FIBCD1: variants seen among roughly 807,000 people sequenced by gnomAD.
FIBCD1 encodes the protein fibrinogen C domain containing 1, also known as fibrinogen C domain-containing protein 1.
A neutral mutation model predicts 45.1 loss-of-function variants in FIBCD1; 47 were observed. That is an observed-to-expected ratio of 1.04 (90% CI 0.82 to 1.33). The LOEUF (loss-of-function observed/expected upper bound fraction) is 1.33, where lower values mean the gene tolerates loss of function less well. Among genes scored for constraint, FIBCD1 ranks in the 40% most tolerant of loss-of-function variants. FIBCD1 has a pLI of 0.00. For synonymous variants in FIBCD1, 313 were observed against 308.1 expected (o/e 1.02, Z -0.17); for missense variants, 653 against 682.2 (o/e 0.96, Z 0.48).
intron 1 of FIBCD1, among the ~76,000 whole-genome samples, chr9:130,930,566 C>A (rs1344085672): frequency 1.3e-5 from 2 of 152,084 alleles, no homozygotes; most frequent in Non-Finnish European, 2.9e-5. Flanking sequence ...CCTCTCGCTG[C>A]CCCTGCCACC....
intron 4 of FIBCD1, among the ~76,000 whole-genome samples, chr9:130,918,577 G>A (rs1308369107): frequency 2.6e-5 from 4 of 152,216 alleles, no homozygotes; most frequent in South Asian, 2.1e-4. Context: ...CTGGGAGGGG[G>A]GCAGAGGGGT....
intron 5 of FIBCD1, among the ~76,000 whole-genome samples, chr9:130,911,194 G>A (rs1439220328): frequency 6.6e-6 from 1 of 152,196 alleles, no homozygotes; most frequent in African/African-American, 2.4e-5. Flanking sequence ...TCCTGAGCCA[G>A]CTAGACCACG....
At chr9:130,921,925 C>T (rs1171114470) in intron 4 of FIBCD1, among the ~76,000 whole-genome samples, 2 of 152,238 alleles carry the variant, frequency 1.3e-5, no homozygotes, top group African/African-American at 2.4e-5. Context: ...TTCTCATCTG[C>T]GCACGCTGAC....
At chr9:130,911,545 C>T (rs913553055) in intron 5 of FIBCD1, among the ~76,000 whole-genome samples, 1 of 152,368 alleles carries the variant, frequency 6.6e-6, no homozygotes, top group African/African-American at 2.4e-5. Flanking sequence ...CCTCCAAGGG[C>T]ATGTGGGACC....
chr9:130,906,844 TG>T (rs1276679491), intron 5 of FIBCD1, among the ~76,000 whole-genome samples: 1 of 152,242 alleles, frequency 6.6e-6, no homozygotes, highest in Non-Finnish European at 1.5e-5. Context: ...ACAGAATCCC[TG>T]GGCGGCTCTT....
intron 6 of FIBCD1, among the ~76,000 whole-genome samples, chr9:130,904,818 G>A (rs1041643566): frequency 6.6e-6 from 1 of 152,236 alleles, no homozygotes; most frequent in Non-Finnish European, 1.5e-5. Flanking sequence ...ACTTGGAGGA[G>A]GAGGCAAGCA....
Position 130,910,946 on chromosome 9 carries a change from G to A in FIBCD1, c.946+846C>T, listed in dbSNP as rs997827121. Among the ~76,000 whole-genome samples, 9 of 152,198 alleles carry A rather than the reference G, an allele frequency of 5.9e-5. No individual in the cohort carries two copies. The South Asian group carries it at 8.3e-4, about 14-fold the overall frequency. On this transcript the variant is annotated intron_variant, in intron 5 of 6. Transcript: ENST00000372338. ...TGATGGGGAGGTGGAGAACCTTTGT[G>A]TCTAGCTCAGGGATTGTAAACGCAC...
rs536457090 is a variant in FIBCD1, at chr9:130,925,911, TATG to T, written c.553-1518_553-1516del. Among the ~76,000 whole-genome samples, 388 of 152,314 alleles carry T rather than the reference TATG, an allele frequency of 2.5e-3. 1 individual carries two copies. The highest frequency in any genetic ancestry group is 9.0e-3 in the African/African-American group (375 of 41,574). ...TATACAGTGCCGGCAGTTTACAAAA[TATG>T]ATTCCCGGCTCGTCCAGAGGCAGGG... On this transcript the variant is annotated intron_variant, in intron 2 of 6. Transcript: ENST00000372338.
Position 130,929,980 on chromosome 9 carries a change from C to T in FIBCD1, c.139G>A (p.Val47Ile). Residue 47 changes from valine to isoleucine, a missense_variant, in exon 2 of 7, where the codon GTC becomes ATC. Val to Ile is a conservative substitution (Grantham distance 29, BLOSUM62 3). Transcript: ENST00000372338. The part of the protein sequence containing the change: ...LALAVLLAVA[V>I]TGAVLFLNHA... ...TTCAGGAAGAGCACGGCACCGGTGA[C>T]AGCTACAGCCAGCAGCACAGCCAGG... 2 of 1,544,290 alleles carry T rather than the reference C, an allele frequency of 1.3e-6. No homozygotes were observed. The highest frequency in any genetic ancestry group is 2.4e-5 in the East Asian group (1 of 41,494).
Position 130,924,209 on chromosome 9 carries a change from G to A in FIBCD1, c.712+28C>T, listed in dbSNP as rs367836678. On this transcript the variant is annotated intron_variant, in intron 3 of 6. Coordinates refer to ENST00000372338, the MANE Select transcript of FIBCD1 (RefSeq NM_032843.5). Reference sequence around the variant, plus strand: ...CCCCAGAGCTGGGACCCGAGGCACCGGAGGAAGGCAGGCCCTGCCCCACTC... The same window carrying A: ...CCCCAGAGCTGGGACCCGAGGCACCAGAGGAAGGCAGGCCCTGCCCCACTC... The A allele has an allele frequency of 1.3e-4, 206 of 1,539,080 alleles. 1 individual carries two copies. The highest frequency in any genetic ancestry group is 1.5e-4 in the Non-Finnish European group (175 of 1,144,356).
intron 5 of FIBCD1, among the ~76,000 whole-genome samples, chr9:130,908,082 A>G (rs1831966954): frequency 6.6e-6 from 1 of 152,192 alleles, no homozygotes; most frequent in Non-Finnish European, 1.5e-5. Context: ...AAATAATAAC[A>G]TGACCCCACA....
chr9:130,931,050 C>T (rs1196782109), intron 1 of FIBCD1, among the ~76,000 whole-genome samples: 1 of 152,134 alleles, frequency 6.6e-6, no homozygotes, highest in African/African-American at 2.4e-5. Flanking sequence ...ACCCCATCCT[C>T]TCTCCTTCCT....
chr9:130,939,855 C>T (rs1417450352), upstream of FIBCD1, among the ~76,000 whole-genome samples: 4 of 152,128 alleles, frequency 2.6e-5, no homozygotes, highest in East Asian at 7.7e-4. Context: ...GCGCGGCGAA[C>T]GAGCTGCTAT....
intron 5 of FIBCD1, among the ~76,000 whole-genome samples, chr9:130,911,183 C>T (rs1176216555): frequency 1.3e-5 from 2 of 152,220 alleles, no homozygotes; most frequent in African/African-American, 4.8e-5. Context: ...TGCAGTTTCA[C>T]TCCTGAGCCA....
intron 4 of FIBCD1, among the ~76,000 whole-genome samples, chr9:130,921,981 C>T (rs981095650): frequency 6.6e-6 from 1 of 152,254 alleles, no homozygotes; most frequent in African/African-American, 2.4e-5. Flanking sequence ...CGTCCCTCCA[C>T]CGGCCGCCTG....
intron 4 of FIBCD1, among the ~76,000 whole-genome samples, chr9:130,914,531 C>T (rs1293209806): frequency 2.0e-5 from 3 of 152,214 alleles, no homozygotes; most frequent in Non-Finnish European, 4.4e-5. Flanking sequence ...GGGAAGTAGG[C>T]CACAGTGCGG....
rs779262160 is a variant in FIBCD1 at position 130,924,407 on chromosome 9, C to T, written c.553-11G>A. On this transcript the variant is annotated splice_polypyrimidine_tract_variant and intron_variant, in intron 2 of 6. Coordinates refer to ENST00000372338, the MANE Select transcript of FIBCD1 (RefSeq NM_032843.5). ...GCTCTCAGAGAGAAGCTGCGGAGCA[C>T]AGGGGGTGAGCCGAGGGGGCAGGGG... The T allele has an allele frequency of 1.2e-6, 2 of 1,602,606 alleles. No individual in the cohort carries two copies. Among genetic ancestry groups the T allele is most frequent in the South Asian group, 2.3e-5 (2 of 88,744 alleles).
In FIBCD1 at chr9:130,903,979, G is replaced by T. The variant is rs1402472870; in HGVS notation, c.*85C>A. 7 of 1,530,690 alleles carry T rather than the reference G, an allele frequency of 4.6e-6. No homozygotes were observed. The African/African-American group carries it at 8.2e-5, about 18-fold the overall frequency. The allele number at this position is 1,530,690 out of a possible 1,614,324, so 94.8% of individuals were successfully genotyped here. A position where few individuals can be genotyped will look rare whatever the true frequency, so the allele number is the denominator to read the frequency against. On this transcript the variant is annotated 3_prime_UTR_variant, in exon 7 of 7. Transcript: ENST00000372338. ...GAGAGTGGGTCCGCCAGGCACAGGT[G>T]GGTGGAGAACATTCACGAAAGAGTG... is the stretch of plus-strand genomic sequence containing the variant.
At chr9:130,915,985 G>A (rs984749701) in intron 4 of FIBCD1, among the ~76,000 whole-genome samples, 48 of 152,228 alleles carry the variant, frequency 3.2e-4, no homozygotes, top group Admixed American at 1.2e-3. Flanking sequence ...CAGGCAGTGC[G>A]GTGGCACGAT....
Sources: allele counts gnomAD v4.1 joint callset (sites outside exome capture counted in the v4.1 genomes callset), GRCh38; gene constraint gnomAD v4.1.1; transcripts MANE v1.5; gene names NCBI Gene and HGNC (gene_info 2026-07-23, HGNC 2026-07-21).